Variants in GTF2F2 observed in about 807,000 individuals in gnomAD.
GTF2F2 encodes general transcription factor IIF subunit 2, also known as ATP-dependent helicase GTF2F2.
Under a neutral mutation model 42.2 loss-of-function variants are expected in GTF2F2, and 23 were observed. The ratio of observed to expected loss-of-function variants is 0.55; its 90% CI spans 0.39 to 0.77. The LOEUF is 0.77. Among genes scored for constraint, GTF2F2 ranks in the 30% least tolerant of loss-of-function variants. The pLI is 0.00. For synonymous variants in GTF2F2, 105 were observed against 100.8 expected (o/e 1.04, Z -0.25); for missense variants, 261 against 287.2 (o/e 0.91, Z 0.66).
intron 2 of GTF2F2, among the ~76,000 whole-genome samples, chr13:45,148,833 A>C (rs1000676440): frequency 6.6e-6 from 1 of 152,208 alleles, no homozygotes; most frequent in Non-Finnish European, 1.5e-5. Context: ...ATTCAAATAC[A>C]GTATATAGAA....
At chr13:45,241,154 C>T (rs1875279572) in intron 5 of GTF2F2, among the ~76,000 whole-genome samples, 4 of 146,792 alleles carry the variant, frequency 2.7e-5, no homozygotes, top group Admixed American at 2.7e-4. Context: ...AGAATGAGAC[C>T]TTGCCTTAAA....
At position 45,145,349 on chromosome 13, in the gene GTF2F2, A is replaced by G. The variant is rs187494872; in HGVS notation, c.141-4421A>G. 2.8e-4 allele frequency among the ~76,000 whole-genome samples: 43 copies of G among 152,338 alleles called. 1 individual carries two copies. Among genetic ancestry groups the G allele is most frequent in the Admixed American group, 2.6e-3 (40 of 15,298 alleles). On this transcript the variant is annotated intron_variant, in intron 2 of 7. Transcript: ENST00000340473. ...GAGAGATGTTTTAGACTCATCTTAT[A>G]CATTTCTGCCTAAGCCCTGGAGTTA...
At chr13:45,136,899 T>A in intron 2 of GTF2F2, 93 bp downstream of exon 2, 1 of 749,062 alleles carries the variant, frequency 1.3e-6, no homozygotes, top group South Asian at 1.6e-5. Flanking sequence ...TGATCAGAGT[T>A]TACTTGGAAA....
intron 5 of GTF2F2, among the ~76,000 whole-genome samples, chr13:45,211,238 G>A (rs962765106): frequency 2.0e-5 from 3 of 152,158 alleles, no homozygotes; most frequent in African/African-American, 4.8e-5. Context: ...TAAGAGACTC[G>A]AAGCAGAAAA....
chr13:45,231,446 A>G (rs1033113173), intron 5 of GTF2F2, among the ~76,000 whole-genome samples: 3 of 152,172 alleles, frequency 2.0e-5, no homozygotes, highest in African/African-American at 7.2e-5. Flanking sequence ...TTCAAAGTTG[A>G]AATATGTACA....
At chr13:45,191,670 C>A (rs1872663871) in intron 4 of GTF2F2, among the ~76,000 whole-genome samples, 1 of 152,122 alleles carries the variant, frequency 6.6e-6, no homozygotes, top group Admixed American at 6.5e-5. Flanking sequence ...TAAAAAGGTA[C>A]ATTTATAAAA....
chr13:45,153,594 G>A (rs61947853), intron 4 of GTF2F2, among the ~76,000 whole-genome samples: 34,866 of 151,920 alleles, frequency 0.23, 4,336 homozygotes, highest in African/African-American at 0.3. Context: ...TATTTATTGC[G>A]TGCTACATAG....
chr13:45,206,577 C>CT (rs925322512), intron 4 of GTF2F2: 2 of 152,144 alleles, frequency 1.3e-5, no homozygotes, highest in Admixed American at 1.3e-4. Flanking sequence ...ATGACTGTTT[C>CT]TAACCACAGT....
At chr13:45,195,016 T>A (rs1872822131) in intron 4 of GTF2F2, among the ~76,000 whole-genome samples, 1 of 152,218 alleles carries the variant, frequency 6.6e-6, no homozygotes, top group Non-Finnish European at 1.5e-5. Flanking sequence ...ATAATGTATA[T>A]TGATTTAGTG....
intron 5 of GTF2F2, chr13:45,219,590 A>C (rs1874028230): frequency 6.6e-6 from 1 of 152,176 alleles, no homozygotes; most frequent in Non-Finnish European, 1.5e-5. Context: ...ATTGAATTGA[A>C]TTTCAAAGCT....
intron 7 of GTF2F2, among the ~76,000 whole-genome samples, chr13:45,283,064 G>A (rs1360974155): frequency 6.6e-6 from 1 of 152,046 alleles, no homozygotes; most frequent in Non-Finnish European, 1.5e-5. Flanking sequence ...TGTGAACTGA[G>A]TCCCATGAGG....
chr13:45,211,372 T>C (rs1873632496), intron 5 of GTF2F2, among the ~76,000 whole-genome samples: 4 of 144,262 alleles, frequency 2.8e-5, no homozygotes, highest in Admixed American at 6.9e-5. Context: ...AAAATTTTTT[T>C]TGTTTTTTTT....
intron 3 of GTF2F2, 61 bp downstream of exon 3, chr13:45,149,849 G>A: frequency 1.4e-6 from 2 of 1,414,748 alleles, no homozygotes; most frequent in African/African-American, 1.5e-5. Flanking sequence ...ATTAATAATA[G>A]TGAAAAAAGA....
chr13:45,138,064 C>T (rs1358713460), intron 2 of GTF2F2, among the ~76,000 whole-genome samples: 3 of 152,136 alleles, frequency 2.0e-5, no homozygotes, highest in African/African-American at 7.2e-5. Context: ...CATAGTTGAT[C>T]ACTTTTTTCC....
At chr13:45,164,017 G>A (rs1871152695) in intron 4 of GTF2F2, among the ~76,000 whole-genome samples, 1 of 152,170 alleles carries the variant, frequency 6.6e-6, no homozygotes, top group Admixed American at 6.6e-5. Context: ...AGCCAAGTGT[G>A]GTGGTGCGCA....
At chr13:45,213,867 GTC>G (rs1873793181) in intron 5 of GTF2F2, among the ~76,000 whole-genome samples, 1 of 152,114 alleles carries the variant, frequency 6.6e-6, no homozygotes, top group Admixed American at 6.5e-5. Context: ...ATGTGCACGT[GTC>G]TCTTGCTTTG....
intron 5 of GTF2F2, among the ~76,000 whole-genome samples, chr13:45,224,906 A>G (rs1449894797): frequency 6.6e-6 from 1 of 152,254 alleles, no homozygotes; most frequent in South Asian, 2.1e-4. Context: ...ATTTTGTGGG[A>G]TACCATCTTT....
At chr13:45,123,647 A>C (rs1868804594) in intron 1 of GTF2F2, among the ~76,000 whole-genome samples, 1 of 151,116 alleles carries the variant, frequency 6.6e-6, no homozygotes, top group Admixed American at 6.6e-5. Flanking sequence ...AAAAAAAAAA[A>C]CAACCAAAAC....
chr13:45,135,292 A>AT (rs1158001615), intron 1 of GTF2F2, among the ~76,000 whole-genome samples: 1 of 150,472 alleles, frequency 6.6e-6, no homozygotes, highest in Non-Finnish European at 1.5e-5. Flanking sequence ...AACTTTATTT[A>AT]TTTTTTTGAG....
Sources: allele counts gnomAD v4.1 joint callset (sites outside exome capture counted in the v4.1 genomes callset), GRCh38; gene constraint gnomAD v4.1.1; transcripts MANE v1.5; gene names NCBI Gene and HGNC (gene_info 2026-07-23, HGNC 2026-07-21).